Variants in ROS1 observed in about 807,000 individuals in gnomAD.
ROS1 encodes the protein ROS proto-oncogene 1, receptor tyrosine kinase, also known as proto-oncogene tyrosine-protein kinase ROS.
ROS1 carries 263 observed loss-of-function variants against 273.5 expected under a neutral mutation model. The ratio of observed to expected loss-of-function variants is 0.96; its 90% CI spans 0.87 to 1.06. The LOEUF (loss-of-function observed/expected upper bound fraction) is 1.06, where lower values mean the gene tolerates loss of function less well. Ranked by LOEUF, ROS1 falls within the 50% of genes least tolerant of loss-of-function variation. The probability of loss-of-function intolerance (pLI) is 0.00; values close to 1 mark genes in which losing one functional copy is unlikely to be tolerated. For missense variants in ROS1, 2,833 were observed against 2,751.1 expected (o/e 1.03, Z -0.67); for synonymous variants, 1,008 against 954.1 (o/e 1.06, Z -1.04).
chr6:117,351,605 T>C (rs1016617760), intron 27 of ROS1, among the ~76,000 whole-genome samples: 1 of 152,188 alleles, frequency 6.6e-6, no homozygotes, highest in African/African-American at 2.4e-5. Flanking sequence ...CCACTAACAC[T>C]GCTTTCTAAA....
intron 4 of ROS1, 140 bp downstream of exon 4, chr6:117,414,379 C>G: frequency 3.1e-6 from 2 of 645,128 alleles, no homozygotes; most frequent in Non-Finnish European, 5.5e-6. Context: ...TCTGTATACT[C>G]AGAGTAATAA....
chr6:117,320,007 A>G lies in ROS1; in HGVS notation c.5783T>C (p.Ile1928Thr), dbSNP rs1562267809. ...CCGAGGGAAGGCAGGAAGATTTTCAATCTCCTCTTGGGTTGGAAGAGTACT... is the reference window on the plus strand; with the variant it reads ...CCGAGGGAAGGCAGGAAGATTTTCAGTCTCCTCTTGGGTTGGAAGAGTACT... The part of the protein sequence containing the change: ...AIHTLPTQEE[I>T]ENLPAFPREK... The change falls in exon 37 of 44, where the codon ATT becomes ACT. Residue 1928 changes from isoleucine to threonine, a missense_variant. By Grantham distance (89) the Ile-to-Thr change is moderately conservative. Coordinates refer to ENST00000368507, the MANE Select transcript of ROS1 (RefSeq NM_001378902.1). 1.9e-6 allele frequency: 3 copies of G among 1,613,230 alleles called. No homozygotes were observed. Among genetic ancestry groups the G allele is most frequent in the African/African-American group, 1.3e-5 (1 of 74,956 alleles).
chr6:117,338,162 T>A (rs555801088), intron 31 of ROS1, among the ~76,000 whole-genome samples: 9 of 152,224 alleles, frequency 5.9e-5, no homozygotes, highest in Admixed American at 5.2e-4. Flanking sequence ...CTTGGTGTAT[T>A]TTCCCTGTAG....
At chr6:117,358,926 C>G (rs982131881) in intron 24 of ROS1, among the ~76,000 whole-genome samples, 1 of 152,148 alleles carries the variant, frequency 6.6e-6, no homozygotes, top group Non-Finnish European at 1.5e-5. Context: ...AACAGACAGG[C>G]CTTTCTAAAA....
At chr6:117,348,542 A>G (rs1582695766) in intron 27 of ROS1, among the ~76,000 whole-genome samples, 1 of 151,904 alleles carries the variant, frequency 6.6e-6, no homozygotes, top group Non-Finnish European at 1.5e-5. Flanking sequence ...TTTTGGCTTC[A>G]TTGATTTTTC....
intron 26 of ROS1, among the ~76,000 whole-genome samples, chr6:117,354,592 T>A (rs569526767): frequency 2.0e-5 from 3 of 152,290 alleles, no homozygotes; most frequent in Non-Finnish European, 2.9e-5. Flanking sequence ...GAAACAGTTG[T>A]TTAAGCATGA....
In ROS1 at chr6:117,389,525, G is replaced by T; in HGVS notation, c.1611C>A (p.Phe537Leu). The change falls in exon 13 of 44, where the codon TTC becomes TTA. Residue 537 changes from phenylalanine to leucine, a missense_variant. Coordinates refer to ENST00000368507, the MANE Select transcript of ROS1 (RefSeq NM_001378902.1). ...TGTGACTCAGGTCACATCCCACGAT[G>T]AATTCATTAAAAGACAAAGCATCCT... is the stretch of plus-strand genomic sequence containing the variant. ...FQQDALSFNE[F>L]IVGCDLSHIE... 6.2e-7 allele frequency: 1 copy of T among 1,614,190 alleles called. No individual in the cohort carries two copies. The highest frequency in any genetic ancestry group is 8.5e-7 in the Non-Finnish European group (1 of 1,180,026).
At chr6:117,290,177 T>G (rs1442321054) in intron 43 of ROS1, among the ~76,000 whole-genome samples, 2 of 152,222 alleles carry the variant, frequency 1.3e-5, no homozygotes, top group African/African-American at 4.8e-5. Flanking sequence ...AACATGATTT[T>G]AATTTTTTAA....
intron 39 of ROS1, 70 bp from the exon 40 acceptor site, chr6:117,311,187 A>G: frequency 1.2e-6 from 1 of 812,532 alleles, no homozygotes; most frequent in East Asian, 2.6e-5. Context: ...ATATGTGTGA[A>G]TATAAGTGGA....
At chr6:117,345,772 C>T (rs1227016553) in intron 27 of ROS1, among the ~76,000 whole-genome samples, 1 of 152,154 alleles carries the variant, frequency 6.6e-6, no homozygotes, top group Non-Finnish European at 1.5e-5. Context: ...ATCACTCTAT[C>T]CCTAGCACAT....
chr6:117,425,123 C>A (rs1366482776), intron 1 of ROS1, among the ~76,000 whole-genome samples: 1 of 152,128 alleles, frequency 6.6e-6, no homozygotes, highest in Admixed American at 6.5e-5. Context: ...TATCTGCTTC[C>A]TTTTTCATCC....
At chr6:117,402,520 A>G (rs1029352539) in intron 7 of ROS1, among the ~76,000 whole-genome samples, 4 of 152,176 alleles carry the variant, frequency 2.6e-5, no homozygotes, top group Admixed American at 6.5e-5. Flanking sequence ...TTACTATAGC[A>G]CACAGCACCA....
intron 39 of ROS1, among the ~76,000 whole-genome samples, chr6:117,313,093 T>C (rs1775665059): frequency 6.6e-6 from 1 of 152,166 alleles, no homozygotes; most frequent in African/African-American, 2.4e-5. Flanking sequence ...CAACCTACCA[T>C]GTAGCAAGTT....
chr6:117,341,614 A>G lies in ROS1; in HGVS notation c.4670T>C (p.Leu1557Pro), dbSNP rs779963365. 1.7e-5 allele frequency: 27 copies of G among 1,612,910 alleles called. No homozygotes were observed. The highest frequency in any genetic ancestry group is 2.2e-5 in the Non-Finnish European group (26 of 1,179,148). Residue 1557 changes from leucine to proline, a missense_variant, in exon 30 of 44, where the codon CTC becomes CCC. By Grantham distance (98) the Leu-to-Pro change is moderately conservative. Coordinates refer to ENST00000368507, the MANE Select transcript of ROS1 (RefSeq NM_001378902.1). ...TKNGVPEAVQ[L>P]INTTVRSDTS... ...GTCTGACCGCACAGTTGTATTAATGAGCTGCACTGCCTCTGGTACTGAAAT... is the reference window on the plus strand; with the variant it reads ...GTCTGACCGCACAGTTGTATTAATGGGCTGCACTGCCTCTGGTACTGAAAT...
intron 13 of ROS1, among the ~76,000 whole-genome samples, chr6:117,388,989 G>A (rs1252201243): frequency 1.3e-5 from 2 of 152,112 alleles, no homozygotes; most frequent in African/African-American, 4.8e-5. Flanking sequence ...CGAGTTCAGA[G>A]TTTTAGGGAA....
chr6:117,339,876 T>A (rs974334113), intron 31 of ROS1, among the ~76,000 whole-genome samples: 10 of 152,122 alleles, frequency 6.6e-5, no homozygotes, highest in African/African-American at 2.2e-4. Flanking sequence ...GACAGCACCC[T>A]AATAGGACTG....
intron 32 of ROS1, among the ~76,000 whole-genome samples, chr6:117,334,823 C>A (rs1327382910): frequency 6.6e-6 from 1 of 152,146 alleles, no homozygotes. Context: ...ATTCCTTAAC[C>A]TTATACAAAA....
At chr6:117,307,169 T>C (rs1775167467) in intron 42 of ROS1, among the ~76,000 whole-genome samples, 1 of 152,158 alleles carries the variant, frequency 6.6e-6, no homozygotes. Context: ...GTCTACCTTT[T>C]TCTGCTCCAC....
At chr6:117,379,754 G>T (rs1322274771) in intron 17 of ROS1, among the ~76,000 whole-genome samples, 1 of 152,038 alleles carries the variant, frequency 6.6e-6, no homozygotes, top group African/African-American at 2.4e-5. Flanking sequence ...TGATTCCAAC[G>T]TGCCACCAAT....
Sources: allele counts gnomAD v4.1 joint callset (sites outside exome capture counted in the v4.1 genomes callset), GRCh38; gene constraint gnomAD v4.1.1; transcripts MANE v1.5; gene names NCBI Gene and HGNC (gene_info 2026-07-23, HGNC 2026-07-21).